Variants in ELSPBP1 observed in about 807,000 individuals in gnomAD.
The protein encoded by ELSPBP1 is epididymal sperm binding protein 1, also known as epididymal sperm-binding protein 1.
ELSPBP1 carries 38 observed loss-of-function variants against 33.3 expected under a neutral mutation model. The observed-to-expected ratio is 1.14, with a 90% CI of 0.88 to 1.50. ELSPBP1 has a LOEUF of 1.50. ELSPBP1 is among the 40% of genes most tolerant of loss of function. ELSPBP1 has a pLI of 0.00. For missense variants in ELSPBP1, 267 were observed against 263.5 expected (o/e 1.01, Z -0.09); for synonymous variants, 85 against 94.1 (o/e 0.90, Z 0.56).
chr19:48,013,858 G>A (rs996871268), intron 2 of ELSPBP1, among the ~76,000 whole-genome samples: 9 of 152,078 alleles, frequency 5.9e-5, no homozygotes, highest in African/African-American at 2.2e-4. Flanking sequence ...TGCTGGTGAG[G>A]GCCTGCCTCC....
intron 5 of ELSPBP1, 133 bp downstream of exon 5, chr19:48,020,010 A>T (rs1045425247): frequency 1.7e-5 from 16 of 929,020 alleles, no homozygotes; most frequent in Non-Finnish European, 2.4e-5. Context: ...AATCCGGCAG[A>T]CAGAGTTCTG....
At position 48,016,519 on chromosome 19, in the gene ELSPBP1, TCTTTCTTTCTTCCTTCCTTCCTTCCTTC is replaced by T. The variant is rs1476993543; in HGVS notation, c.355+484_355+511del. On this transcript the variant is annotated intron_variant, in intron 4 of 6. Transcript: ENST00000339841. ...TTCTTTCTTTCTTTCTTTCTTTCTT[TCTTTCTTTCTTCCTTCCTTCCTTCCTTC>T]CTTCCTTCCTTCCTTCCTTCCTCCC... Among the ~76,000 whole-genome samples, 96 of 62,138 alleles carry T rather than the reference TCTTTCTTTCTTCCTTCCTTCCTTCCTTC, an allele frequency of 1.5e-3. 1 individual carries two copies. The highest frequency in any genetic ancestry group is 5.4e-3 in the African/African-American group (93 of 17,118). 40.8% of individuals were successfully genotyped at this position (62,138 alleles called of 152,430 possible). A position where few individuals can be genotyped will look rare whatever the true frequency, so the allele number is the denominator to read the frequency against.
chr19:48,013,621 G>T (rs953124853), intron 2 of ELSPBP1, among the ~76,000 whole-genome samples: 3 of 151,988 alleles, frequency 2.0e-5, no homozygotes, highest in Non-Finnish European at 2.9e-5. Context: ...AGAGGCTGAG[G>T]CAGGAGAATC....
At chr19:48,003,809 G>C (rs1966990743) in intron 1 of ELSPBP1, among the ~76,000 whole-genome samples, 1 of 151,082 alleles carries the variant, frequency 6.6e-6, no homozygotes, top group African/African-American at 2.4e-5. Flanking sequence ...TCCTCCCAAA[G>C]TGCTGGAATT....
chr19:48,010,992 T>A (rs1329508469), intron 2 of ELSPBP1, among the ~76,000 whole-genome samples: 1 of 152,112 alleles, frequency 6.6e-6, no homozygotes, highest in Admixed American at 6.6e-5. Flanking sequence ...AGGCAAAGCA[T>A]TGATAATGAC....
At chr19:48,022,403 C>T in intron 6 of ELSPBP1, 69 bp downstream of exon 6, 1 of 1,369,238 alleles carries the variant, frequency 7.3e-7, no homozygotes, top group Non-Finnish European at 9.8e-7. Flanking sequence ...ACTGGTGTGT[C>T]ACTGATGCGA....
Position 48,022,152 on chromosome 19 carries a change from TC to T in ELSPBP1, c.515-14del. Reference sequence around the variant, plus strand: ...AGCCTGAGGAGTAACCTTTGTTTTATCCCCTTCTGCTTCCTAGGAATTTCCG... The same window carrying T: ...AGCCTGAGGAGTAACCTTTGTTTTATCCCTTCTGCTTCCTAGGAATTTCCG... On this transcript the variant is annotated splice_polypyrimidine_tract_variant and intron_variant, in intron 5 of 6. Transcript: ENST00000339841. The T allele has an allele frequency of 1.2e-6, 2 of 1,604,378 alleles. No individual in the cohort carries two copies. Among genetic ancestry groups the T allele is most frequent in the Non-Finnish European group, 1.7e-6 (2 of 1,175,370 alleles).
intron 4 of ELSPBP1, 69 bp from the exon 5 acceptor site, chr19:48,019,650 G>T: frequency 6.7e-7 from 1 of 1,487,950 alleles, no homozygotes; most frequent in Admixed American, 1.9e-5. Flanking sequence ...GGCACAGTTT[G>T]TGTGTCATAA....
At position 48,017,889 on chromosome 19, in the gene ELSPBP1, C is replaced by T. The variant is rs1260033267; in HGVS notation, c.356-1830C>T. Reference sequence around the variant, plus strand: ...TCCAGCCTGGGCAACAGAGTGAGATCTTGTCTCAAAAAAAAAAAAAAAAAA... The same window carrying T: ...TCCAGCCTGGGCAACAGAGTGAGATTTTGTCTCAAAAAAAAAAAAAAAAAA... On this transcript the variant is annotated intron_variant, in intron 4 of 6. Coordinates refer to ENST00000339841, the MANE Select transcript of ELSPBP1 (RefSeq NM_022142.5). 1.4e-4 allele frequency among the ~76,000 whole-genome samples: 12 copies of T among 88,206 alleles called. No individual in the cohort carries two copies. In the Admixed American group the frequency reaches 2.3e-3, roughly 17 times the overall value. 57.9% of individuals were successfully genotyped at this position (88,206 alleles called of 152,430 possible). A position where few individuals can be genotyped will look rare whatever the true frequency, so the allele number is the denominator to read the frequency against.
intron 5 of ELSPBP1, 24 bp from the exon 6 acceptor site, chr19:48,022,146 G>A (rs767512692): frequency 6.2e-7 from 1 of 1,601,300 alleles, no homozygotes; most frequent in South Asian, 1.1e-5. Flanking sequence ...AGTAACCTTT[G>A]TTTTATCCCC....
At chr19:48,003,170 C>G (rs1271183699) in intron 1 of ELSPBP1, among the ~76,000 whole-genome samples, 1 of 152,172 alleles carries the variant, frequency 6.6e-6, no homozygotes. Flanking sequence ...GCTATTAGGG[C>G]TTGTTTTACA....
chr19:48,004,395 C>A (rs1385704771), intron 1 of ELSPBP1, among the ~76,000 whole-genome samples: 1 of 152,098 alleles, frequency 6.6e-6, no homozygotes, highest in African/African-American at 2.4e-5. Context: ...TAAGCTTAAG[C>A]CATCCTCCTG....
chr19:48,006,031 G>A (rs1191265555), intron 1 of ELSPBP1, among the ~76,000 whole-genome samples: 1 of 152,134 alleles, frequency 6.6e-6, no homozygotes, highest in Non-Finnish European at 1.5e-5. Flanking sequence ...TGCGATCATA[G>A]TGCACTGCAG....
intron 1 of ELSPBP1, among the ~76,000 whole-genome samples, chr19:48,002,801 C>CAAAA (rs142588550): frequency 1.6e-4 from 25 of 151,970 alleles, no homozygotes; most frequent in Non-Finnish European, 3.4e-4. Context: ...CAAAAACAAA[C>CAAAA]AAAAATTCTG....
At position 48,016,002 on chromosome 19, in the gene ELSPBP1, C is replaced by T. The variant is rs1047360478; in HGVS notation, c.318C>T (p.Phe106=). ...GSLWCSVTSV[F]DEKQQWKFCE... ...TGTGGTGCTCAGTCACCTCTGTCTT[C>T]GATGAGAAACAGCAGTGGAAATTCT... The change falls in exon 4 of 7, where the codon TTC becomes TTT. Residue 106 remains phenylalanine (F), a synonymous_variant. Coordinates refer to ENST00000339841, the MANE Select transcript of ELSPBP1 (RefSeq NM_022142.5). 1.4e-5 allele frequency: 22 copies of T among 1,613,818 alleles called. No homozygotes were observed. Among genetic ancestry groups the T allele is most frequent in the African/African-American group, 2.7e-5 (2 of 75,028 alleles).
At chr19:48,023,010 C>T (rs189707096) in intron 6 of ELSPBP1, among the ~76,000 whole-genome samples, 1 of 151,690 alleles carries the variant, frequency 6.6e-6, no homozygotes, top group Non-Finnish European at 1.5e-5. Context: ...CACCACTGTA[C>T]CCCAGCCTGG....
At chr19:47,996,686 G>C (rs920139881) in intron 1 of ELSPBP1, among the ~76,000 whole-genome samples, 11 of 152,014 alleles carry the variant, frequency 7.2e-5, no homozygotes, top group African/African-American at 2.7e-4. Context: ...AGTTGGTAAA[G>C]GGATGGTTGA....
chr19:48,022,017 GGATTAAATGCGCGC>G (rs1199498055), intron 5 of ELSPBP1, among the ~76,000 whole-genome samples, 139 bp from the exon 6 acceptor site: 1 of 152,108 alleles, frequency 6.6e-6, no homozygotes, highest in African/African-American at 2.4e-5. Flanking sequence ...AACTGAGCTG[GGATTAAATGCGCGC>G]GATTAAATGC....
intron 2 of ELSPBP1, among the ~76,000 whole-genome samples, chr19:48,013,433 C>T (rs1224011189): frequency 6.6e-6 from 1 of 152,156 alleles, no homozygotes; most frequent in Non-Finnish European, 1.5e-5. Flanking sequence ...CAAAATACCA[C>T]AGGCCAGGCA....
Sources: gnomAD v4.1 joint callset for allele counts (sites outside exome capture counted in the v4.1 genomes callset) on GRCh38, gnomAD v4.1.1 for gene constraint, MANE v1.5 for transcripts, NCBI Gene and HGNC (gene_info 2026-07-23, HGNC 2026-07-21) for gene names.